PRKN: variants seen among roughly 807,000 people sequenced by gnomAD.
PRKN encodes the protein parkin RBR E3 ubiquitin protein ligase.
Under a neutral mutation model 59.5 loss-of-function variants are expected in PRKN, and 56 were observed. That is an observed-to-expected ratio of 0.94 (90% confidence interval 0.76 to 1.18). The LOEUF (loss-of-function observed/expected upper bound fraction) is 1.18, where lower values mean the gene tolerates loss of function less well. PRKN is among the 50% of genes most tolerant of loss of function. The probability of loss-of-function intolerance (pLI) is 0.00; values close to 1 mark genes in which losing one functional copy is unlikely to be tolerated. For synonymous variants in PRKN, 250 were observed against 222.1 expected (o/e 1.13, Z -1.12); for missense variants, 657 against 596.4 (o/e 1.10, Z -1.06).
intron 3 of PRKN, among the ~76,000 whole-genome samples, chr6:162,254,897 C>T (rs192715258): frequency 6.6e-6 from 1 of 151,984 alleles, no homozygotes; most frequent in East Asian, 1.9e-4. Flanking sequence ...AATACATATG[C>T]CATACATCAT....
chr6:161,514,488 A>G (rs1002697799), intron 9 of PRKN, among the ~76,000 whole-genome samples: 5 of 152,256 alleles, frequency 3.3e-5, no homozygotes, highest in African/African-American at 1.2e-4. Flanking sequence ...AAAACAGAAT[A>G]AAACCAAGGC....
At chr6:161,922,749 C>T (rs1169693162) in intron 6 of PRKN, among the ~76,000 whole-genome samples, 1 of 152,128 alleles carries the variant, frequency 6.6e-6, no homozygotes, top group African/African-American at 2.4e-5. Context: ...GCAATGATTA[C>T]AGGAGTCTAA....
chr6:161,804,233 A>G (rs1662155598), intron 6 of PRKN, among the ~76,000 whole-genome samples: 1 of 152,222 alleles, frequency 6.6e-6, no homozygotes, highest in African/African-American at 2.4e-5. Context: ...TCGACACCCA[A>G]GAGGAGAGAG....
intron 1 of PRKN, among the ~76,000 whole-genome samples, chr6:162,452,510 T>C (rs934532140): frequency 4.6e-5 from 7 of 152,082 alleles, no homozygotes; most frequent in Non-Finnish European, 1.0e-4. Flanking sequence ...TTTTATGAAG[T>C]GGAGCAATAT....
intron 6 of PRKN, among the ~76,000 whole-genome samples, chr6:161,858,685 C>T (rs778432969): frequency 4.6e-5 from 7 of 151,714 alleles, no homozygotes; most frequent in East Asian, 2.0e-4. Context: ...TTCCCGTTGG[C>T]GGTGAGAATC....
At chr6:161,880,503 C>T (rs1047018094) in intron 6 of PRKN, among the ~76,000 whole-genome samples, 12 of 152,170 alleles carry the variant, frequency 7.9e-5, no homozygotes, top group African/African-American at 2.9e-4. Context: ...TTAGGGTATT[C>T]TTCTCCGCAA....
rs1439414379 is a variant in PRKN, at chr6:161,790,466, C to T, written c.735-4558G>A. On this transcript the variant is annotated intron_variant, in intron 6 of 11. Transcript: ENST00000366898. ...CTGAATGTTTGTGTTCCCCAAAATTCGTATGTTAAAATCCTTATCTCCAAA... is the reference window on the plus strand; with the variant it reads ...CTGAATGTTTGTGTTCCCCAAAATTTGTATGTTAAAATCCTTATCTCCAAA... Among the ~76,000 whole-genome samples, 3 of 152,146 alleles carry T rather than the reference C, an allele frequency of 2.0e-5. No individual in the cohort carries two copies. In the East Asian group the frequency reaches 5.8e-4, roughly 29 times the overall value.
Position 161,360,193 on chromosome 6 carries a change from C to T in PRKN, c.1180G>A (p.Asp394Asn), listed in dbSNP as rs1801334. 54,979 of 1,613,134 alleles carry T rather than the reference C, an allele frequency of 0.034. 1,150 individuals carry two copies. The highest frequency in any genetic ancestry group is 0.041 in the Non-Finnish European group (47,850 of 1,179,048). Residue 394 changes from aspartate to asparagine, a missense_variant, in exon 11 of 12, where the codon GAT becomes AAT. Asp to Asn is a conservative substitution (Grantham distance 23). Coordinates refer to ENST00000366898, the MANE Select transcript of PRKN (RefSeq NM_004562.3). The surrounding 1 kb of genome is among the most constrained non-coding windows in gnomAD (Gnocchi z 5.1). Reference protein sequence around the residue: ...SGTTTQAYRVDERAAEQARWE... With the variant: ...SGTTTQAYRVNERAAEQARWE... ...CGAGCCTGCTCGGCGGCTCTTTCAT[C>T]GACTCTGTAGGCCTGGGGAAACAAA...
chr6:162,329,593 A>C (rs565840991), intron 2 of PRKN, among the ~76,000 whole-genome samples: 1 of 152,190 alleles, frequency 6.6e-6, no homozygotes, highest in East Asian at 1.9e-4. Flanking sequence ...ATTTATCTTC[A>C]TGTACTGTTC....
intron 9 of PRKN, among the ~76,000 whole-genome samples, chr6:161,543,745 G>A (rs1197853570): frequency 6.6e-6 from 1 of 152,098 alleles, no homozygotes; most frequent in African/African-American, 2.4e-5. Context: ...ACCCAGACAT[G>A]TAATACCCCA....
Position 161,414,912 on chromosome 6 carries a change from G to A in PRKN, c.1084-28035C>T, listed in dbSNP as rs112150352. ...ACAGGAAATTAAATGCCTTTTGAAA[G>A]GGAGCTAGGCATAGGAGGAATTCAC... On this transcript the variant is annotated intron_variant, in intron 9 of 11. Transcript: ENST00000366898. The surrounding 1 kb of genome is among the most constrained non-coding windows in gnomAD (Gnocchi z 5.3). Among the ~76,000 whole-genome samples, 303 of 152,298 alleles carry A rather than the reference G, an allele frequency of 2.0e-3. 3 individuals carry two copies. The highest frequency in any genetic ancestry group is 7.1e-3 in the African/African-American group (293 of 41,548).
intron 7 of PRKN, among the ~76,000 whole-genome samples, chr6:161,661,664 T>C (rs978852077): frequency 6.6e-6 from 1 of 152,210 alleles, no homozygotes; most frequent in Non-Finnish European, 1.5e-5. Flanking sequence ...AGAGGTGTTG[T>C]ACTGTATACA....
intron 1 of PRKN, among the ~76,000 whole-genome samples, chr6:162,625,726 A>G (rs1490507727): frequency 2.0e-5 from 3 of 151,910 alleles, no homozygotes; most frequent in East Asian, 1.9e-4. Flanking sequence ...ATATATATAA[A>G]CTTATGTTTG....
At chr6:162,697,252 T>C (rs963087091) in intron 1 of PRKN, among the ~76,000 whole-genome samples, 1 of 152,186 alleles carries the variant, frequency 6.6e-6, no homozygotes, top group Non-Finnish European at 1.5e-5. Flanking sequence ...GAAAAATGTT[T>C]TAAGTTTTCC....
chr6:162,699,654 G>T (rs1023413625), intron 1 of PRKN, among the ~76,000 whole-genome samples: 4 of 152,110 alleles, frequency 2.6e-5, no homozygotes, highest in African/African-American at 9.7e-5. Flanking sequence ...AAGTCTCAAT[G>T]ACTGAAAGAA....
chr6:162,540,962 T>C (rs185855158), intron 1 of PRKN, among the ~76,000 whole-genome samples: 226 of 152,308 alleles, frequency 1.5e-3, no homozygotes, highest in African/African-American at 5.3e-3. Context: ...ATTTTTGACA[T>C]CTTAATACTT....
intron 7 of PRKN, among the ~76,000 whole-genome samples, chr6:161,754,407 C>T (rs757677168): frequency 2.0e-5 from 3 of 151,928 alleles, no homozygotes; most frequent in Non-Finnish European, 2.9e-5. Flanking sequence ...AGCAAAAACA[C>T]GCGGGGCATC....
chr6:162,275,280 TG>T (rs984868201), intron 2 of PRKN: 3 of 141,552 alleles, frequency 2.1e-5, no homozygotes, highest in Non-Finnish European at 4.4e-5. Flanking sequence ...TGTAAAATGG[TG>T]ATCTTTTAAT....
chr6:162,709,924 C>T (rs930142183), intron 1 of PRKN, among the ~76,000 whole-genome samples: 1 of 152,114 alleles, frequency 6.6e-6, no homozygotes, highest in African/African-American at 2.4e-5. Context: ...AATAAGGGTC[C>T]CTACTGTCCT....
Sources: allele counts gnomAD v4.1 joint callset (sites outside exome capture counted in the v4.1 genomes callset), GRCh38; gene constraint gnomAD v4.1.1; non-coding constraint Gnocchi (gnomAD v3.1); transcripts MANE v1.5; gene names NCBI Gene and HGNC (gene_info 2026-07-23, HGNC 2026-07-21).